The following MACROD2 variants were observed in gnomAD, a reference collection of about 807,000 sequenced individuals.
The protein encoded by MACROD2 is ADP-ribose glycohydrolase MACROD2.
MACROD2 carries 36 observed loss-of-function variants against 70.4 expected under a neutral mutation model. The ratio of observed to expected loss-of-function variants is 0.51; its 90% CI spans 0.39 to 0.68. MACROD2 has a LOEUF of 0.68. MACROD2 is among the 30% of genes least tolerant of loss of function. The pLI, the probability that MACROD2 is intolerant of heterozygous loss-of-function variation, is 0.00. For missense variants in MACROD2, 496 were observed against 538.4 expected (o/e 0.92, Z 0.78); for synonymous variants, 172 against 178.8 (o/e 0.96, Z 0.30).
chr20:15,274,938 T>G (rs2077377290), intron 6 of MACROD2, among the ~76,000 whole-genome samples: 1 of 152,052 alleles, frequency 6.6e-6, no homozygotes, highest in African/African-American at 2.4e-5. Context: ...TAAGTGGGCC[T>G]ATAGGAGTGG....
chr20:15,166,532 A>T (rs2076385123), intron 5 of MACROD2, among the ~76,000 whole-genome samples: 1 of 152,210 alleles, frequency 6.6e-6, no homozygotes, highest in African/African-American at 2.4e-5. Flanking sequence ...CTACTTTGTT[A>T]TAATAGCCTG....
intron 5 of MACROD2, among the ~76,000 whole-genome samples, chr20:14,873,959 TATTTTA>T (rs2073519541): frequency 6.6e-6 from 1 of 152,182 alleles, no homozygotes. Flanking sequence ...AGATAAGAAC[TATTTTA>T]ATTTTGTGTT....
intron 5 of MACROD2, among the ~76,000 whole-genome samples, chr20:14,903,648 T>G (rs2073924182): frequency 6.6e-6 from 1 of 152,150 alleles, no homozygotes; most frequent in Non-Finnish European, 1.5e-5. Flanking sequence ...GTTGCAGTAT[T>G]CATTAGGATA....
chr20:14,340,288 G>A (rs1319511043), intron 3 of MACROD2, among the ~76,000 whole-genome samples: 1 of 152,126 alleles, frequency 6.6e-6, no homozygotes, highest in African/African-American at 2.4e-5. Flanking sequence ...GCACAGCTGG[G>A]CTCCATGTTG....
At chr20:14,273,914 C>G (rs1056097226) in intron 3 of MACROD2, among the ~76,000 whole-genome samples, 3 of 152,050 alleles carry the variant, frequency 2.0e-5, no homozygotes, top group Non-Finnish European at 4.4e-5. Flanking sequence ...ATAAATTCCT[C>G]GACACATACA....
intron 8 of MACROD2, among the ~76,000 whole-genome samples, chr20:15,679,046 A>G (rs1161976234): frequency 6.6e-6 from 1 of 152,030 alleles, no homozygotes; most frequent in African/African-American, 2.4e-5. Flanking sequence ...AGACCAGCCT[A>G]GTCAGCATGG....
chr20:15,207,350 A>G lies in MACROD2; in HGVS notation c.419-22590A>G, dbSNP rs546410114. On this transcript the variant is annotated intron_variant, in intron 5 of 17. Transcript: ENST00000684519. ...TGCTGGATATAGGATTCTGGGTTTGACAGAGTTTTAATTTTATCATTTGAA... is the reference window on the plus strand; with the variant it reads ...TGCTGGATATAGGATTCTGGGTTTGGCAGAGTTTTAATTTTATCATTTGAA... Among the ~76,000 whole-genome samples the G allele has an allele frequency of 2.6e-5, 4 of 151,486 alleles. No individual in the cohort carries two copies. In the South Asian group the frequency reaches 6.3e-4, roughly 24 times the overall value.
At chr20:15,630,443 T>C (rs1386284351) in intron 8 of MACROD2, among the ~76,000 whole-genome samples, 1 of 152,252 alleles carries the variant, frequency 6.6e-6, no homozygotes, top group Admixed American at 6.5e-5. Flanking sequence ...TTAGTAGGCA[T>C]GTCATACATT....
At chr20:14,579,984 G>C (rs1207391306) in intron 4 of MACROD2, among the ~76,000 whole-genome samples, 1 of 152,130 alleles carries the variant, frequency 6.6e-6, no homozygotes, top group Non-Finnish European at 1.5e-5. Context: ...AGAAAAGCTT[G>C]GATGTAAAAA....
intron 5 of MACROD2, among the ~76,000 whole-genome samples, chr20:15,128,043 G>A (rs145833331): frequency 1.3e-5 from 2 of 152,194 alleles, no homozygotes; most frequent in African/African-American, 2.4e-5. Flanking sequence ...TACTTGGGCT[G>A]GATGGGCTCT....
intron 3 of MACROD2, among the ~76,000 whole-genome samples, chr20:14,426,155 A>C (rs1006848981): frequency 6.6e-6 from 1 of 150,592 alleles, no homozygotes; most frequent in African/African-American, 2.4e-5. Flanking sequence ...TGATTTTACC[A>C]CTCCTCTTGT....
chr20:15,311,278 AAAAAC>A (rs758694216), intron 6 of MACROD2, among the ~76,000 whole-genome samples: 4 of 152,236 alleles, frequency 2.6e-5, no homozygotes, highest in East Asian at 1.9e-4. Context: ...AAACATAAGC[AAAAAC>A]AAAACAAAAC....
chr20:15,324,515 T>C (rs2077906984), intron 6 of MACROD2, among the ~76,000 whole-genome samples: 1 of 152,184 alleles, frequency 6.6e-6, no homozygotes, highest in Non-Finnish European at 1.5e-5. Context: ...AAAAACATTG[T>C]CAACTCTTTG....
At chr20:14,471,392 T>C (rs2084529294) in intron 3 of MACROD2, among the ~76,000 whole-genome samples, 1 of 152,160 alleles carries the variant, frequency 6.6e-6, no homozygotes, top group South Asian at 2.1e-4. Flanking sequence ...CCCTTTCTGA[T>C]AGATTTTGAC....
chr20:14,340,789 A>G (rs769666660), intron 3 of MACROD2, among the ~76,000 whole-genome samples: 1 of 152,218 alleles, frequency 6.6e-6, no homozygotes, highest in Non-Finnish European at 1.5e-5. Context: ...ATGAACTTCA[A>G]TAACATATCC....
In MACROD2 at chr20:14,496,695, T is replaced by C. The variant is rs11904856; in HGVS notation, c.301+3187T>C. Among the ~76,000 whole-genome samples the C allele has an allele frequency of 6.3e-3, 944 of 148,726 alleles. 23 individuals carry two copies. The highest frequency in any genetic ancestry group is 0.015 in the African/African-American group (589 of 38,162). The stretch of plus-strand genomic sequence containing the variant: ...TAAAATTTGATAACTTTTACCAATT[T>C]TACCAATTTGCTTGGTAAAATTGAT... On this transcript the variant is annotated intron_variant, in intron 4 of 17. Coordinates refer to ENST00000684519, the MANE Select transcript of MACROD2 (RefSeq NM_001351661.2).
chr20:15,208,914 C>T (rs901406619), intron 5 of MACROD2, among the ~76,000 whole-genome samples: 1 of 152,160 alleles, frequency 6.6e-6, no homozygotes, highest in Non-Finnish European at 1.5e-5. Flanking sequence ...CCAGCCTCCT[C>T]TGATACCACT....
At chr20:14,803,461 ATATTT>A (rs2072602136) in intron 5 of MACROD2, among the ~76,000 whole-genome samples, 1 of 151,964 alleles carries the variant, frequency 6.6e-6, no homozygotes, top group Non-Finnish European at 1.5e-5. Flanking sequence ...ATGCATAGAA[ATATTT>A]TATAGTATAT....
At chr20:14,457,849 T>C (rs34719645) in intron 3 of MACROD2, among the ~76,000 whole-genome samples, 22,727 of 152,064 alleles carry the variant, frequency 0.15, 2,412 homozygotes, top group Non-Finnish European at 0.21. Context: ...CCTGTAATCC[T>C]GACACTTTGG....
Sources: gnomAD v4.1 joint callset for allele counts (sites outside exome capture counted in the v4.1 genomes callset) on GRCh38, gnomAD v4.1.1 for gene constraint, MANE v1.5 for transcripts, NCBI Gene and HGNC (gene_info 2026-07-23, HGNC 2026-07-21) for gene names.